Variants in FBXL17 observed in about 807,000 individuals in gnomAD.
FBXL17 encodes F-box and leucine rich repeat protein 17.
A neutral mutation model predicts 66.2 loss-of-function variants in FBXL17; 22 were observed. The ratio of observed to expected loss-of-function variants is 0.33; its 90% CI spans 0.24 to 0.47. The LOEUF is 0.47. Among genes scored for constraint, FBXL17 ranks in the 20% least tolerant of loss-of-function variants. FBXL17 has a pLI of 1.00. For missense variants in FBXL17, 878 were observed against 948.2 expected (o/e 0.93, Z 0.97); for synonymous variants, 474 against 400.5 (o/e 1.18, Z -2.19).
intron 5 of FBXL17, among the ~76,000 whole-genome samples, chr5:108,209,051 G>A (rs528439121): frequency 1.3e-5 from 2 of 152,122 alleles, no homozygotes; most frequent in South Asian, 2.1e-4. Context: ...GTATTCCTAG[G>A]TATTTTATTA....
chr5:108,199,121 A>G (rs1268542353), intron 5 of FBXL17, among the ~76,000 whole-genome samples: 1 of 152,152 alleles, frequency 6.6e-6, no homozygotes, highest in Non-Finnish European at 1.5e-5. Context: ...GTATACATCT[A>G]AGGTAGGACT....
chr5:108,117,606 T>C (rs1750314048), intron 6 of FBXL17, among the ~76,000 whole-genome samples: 1 of 152,134 alleles, frequency 6.6e-6, no homozygotes, highest in Non-Finnish European at 1.5e-5. Context: ...CCCAAATGAC[T>C]ATGAAGATGA....
intron 5 of FBXL17, among the ~76,000 whole-genome samples, chr5:108,186,598 C>T (rs946520890): frequency 6.6e-6 from 1 of 151,724 alleles, no homozygotes; most frequent in East Asian, 1.9e-4. Flanking sequence ...GGTGAAACCC[C>T]ATCTCTACTA....
intron 5 of FBXL17, among the ~76,000 whole-genome samples, chr5:108,188,316 G>A (rs1753323251): frequency 6.6e-6 from 1 of 152,200 alleles, no homozygotes; most frequent in African/African-American, 2.4e-5. Flanking sequence ...ACAACAGCAG[G>A]TAAATTCTTT....
intron 4 of FBXL17, among the ~76,000 whole-genome samples, chr5:108,272,604 T>A (rs779632856): frequency 3.0e-4 from 45 of 152,064 alleles, no homozygotes; most frequent in Non-Finnish European, 5.7e-4. Context: ...TCAATCCACC[T>A]CGGTCTCCCA....
At chr5:108,277,040 C>T (rs1014680187) in intron 4 of FBXL17, among the ~76,000 whole-genome samples, 1 of 151,854 alleles carries the variant, frequency 6.6e-6, no homozygotes, top group Non-Finnish European at 1.5e-5. Context: ...TAGATGTTTC[C>T]ATTTAAACCA....
At chr5:108,033,402 A>C (rs189032715) in intron 6 of FBXL17, among the ~76,000 whole-genome samples, 24 of 152,310 alleles carry the variant, frequency 1.6e-4, no homozygotes, top group Middle Eastern at 3.4e-3. Context: ...AAATCTTAAA[A>C]GCAATCGGTT....
chr5:107,913,117 A>G (rs1028337501), intron 7 of FBXL17, among the ~76,000 whole-genome samples: 1 of 152,000 alleles, frequency 6.6e-6, no homozygotes, highest in Non-Finnish European at 1.5e-5. Flanking sequence ...CTCACAATAC[A>G]TATGGAGAGT....
chr5:108,240,110 C>T (rs1246208871), intron 4 of FBXL17, among the ~76,000 whole-genome samples: 2 of 152,050 alleles, frequency 1.3e-5, no homozygotes, highest in African/African-American at 4.8e-5. Flanking sequence ...GTGCTGGCTT[C>T]ACGTGTGTCT....
At chr5:107,988,824 T>G (rs1753118930) in intron 7 of FBXL17, among the ~76,000 whole-genome samples, 1 of 152,044 alleles carries the variant, frequency 6.6e-6, no homozygotes, top group African/African-American at 2.4e-5. Flanking sequence ...ACGCTGGAAT[T>G]TAACTCCAAG....
chr5:108,114,135 T>C (rs375510041), intron 6 of FBXL17, among the ~76,000 whole-genome samples: 1 of 152,190 alleles, frequency 6.6e-6, no homozygotes, highest in Non-Finnish European at 1.5e-5. Context: ...TTCATTATCA[T>C]TCTGTAATAA....
At chr5:107,875,999 G>T (rs1748604573) in intron 8 of FBXL17, among the ~76,000 whole-genome samples, 1 of 152,170 alleles carries the variant, frequency 6.6e-6, no homozygotes, top group Admixed American at 6.5e-5. Flanking sequence ...AGAAATCAAA[G>T]AAATTCCAAG....
At chr5:108,279,906 A>G (rs1757635437) in intron 4 of FBXL17, among the ~76,000 whole-genome samples, 1 of 152,170 alleles carries the variant, frequency 6.6e-6, no homozygotes, top group South Asian at 2.1e-4. Flanking sequence ...CTTTTGAAAT[A>G]ATCCAGTCAA....
At chr5:108,012,457 T>C (rs1290931645) in intron 7 of FBXL17, among the ~76,000 whole-genome samples, 3 of 152,064 alleles carry the variant, frequency 2.0e-5, no homozygotes, top group Non-Finnish European at 4.4e-5. Flanking sequence ...TCTCATGGGG[T>C]AGCGCTTTAT....
chr5:108,077,718 T>C (rs538449899), intron 6 of FBXL17, among the ~76,000 whole-genome samples: 52 of 152,232 alleles, frequency 3.4e-4, no homozygotes, highest in African/African-American at 1.0e-3. Flanking sequence ...TTTTGGATTG[T>C]CCGTTGTTTT....
At chr5:108,112,206 T>C (rs749488592) in intron 6 of FBXL17, among the ~76,000 whole-genome samples, 1 of 150,356 alleles carries the variant, frequency 6.7e-6, no homozygotes, top group Non-Finnish European at 1.5e-5. Context: ...ATTGAGTCTT[T>C]GGTTGAATAC....
intron 8 of FBXL17, among the ~76,000 whole-genome samples, chr5:107,867,570 G>A (rs1434350526): frequency 1.3e-5 from 2 of 152,250 alleles, no homozygotes; most frequent in African/African-American, 4.8e-5. Context: ...CAGGAGGGCA[G>A]ACCATTTGGA....
chr5:108,148,470 G>C (rs1751645320), intron 6 of FBXL17, among the ~76,000 whole-genome samples: 1 of 152,140 alleles, frequency 6.6e-6, no homozygotes, highest in Admixed American at 6.5e-5. Flanking sequence ...CTATGGTCTG[G>C]AGCTGCCTGG....
intron 8 of FBXL17, among the ~76,000 whole-genome samples, chr5:107,862,656 A>C (rs1748159295): frequency 6.6e-6 from 1 of 152,240 alleles, no homozygotes; most frequent in Non-Finnish European, 1.5e-5. Flanking sequence ...TTTATTTAAA[A>C]TCTTTATTGA....
Sources: allele counts gnomAD v4.1 joint callset (sites outside exome capture counted in the v4.1 genomes callset), GRCh38; gene constraint gnomAD v4.1.1; transcripts MANE v1.5; gene names NCBI Gene and HGNC (gene_info 2026-07-23, HGNC 2026-07-21).